The following CNTN6 variants were observed in gnomAD, a reference collection of about 807,000 sequenced individuals.
CNTN6 encodes contactin-6.
CNTN6 carries 137 observed loss-of-function variants against 122.8 expected under a neutral mutation model. The ratio of observed to expected loss-of-function variants is 1.12; its 90% confidence interval spans 0.97 to 1.29. CNTN6 has a LOEUF of 1.29. Among genes scored for constraint, CNTN6 ranks in the 50% most tolerant of loss-of-function variants. CNTN6 has a pLI of 0.00. For synonymous variants in CNTN6, 570 were observed against 426.0 expected, an observed-to-expected ratio of 1.34 and a Z score of -4.16; for missense variants, 1,634 against 1,223.4, an observed-to-expected ratio of 1.34 and a Z score of -5.01.
At chr3:1,284,041 C>A (rs1470108566) in intron 5 of CNTN6, among the ~76,000 whole-genome samples, 1 of 152,044 alleles carries the variant, frequency 6.6e-6, no homozygotes, top group African/African-American at 2.4e-5. Context: ...AACTAAGTCC[C>A]GAGCTCATAA....
intron 7 of CNTN6, among the ~76,000 whole-genome samples, chr3:1,300,492 GAA>G (rs59854918): frequency 3.4e-4 from 34 of 99,394 alleles, no homozygotes; most frequent in African/African-American, 2.5e-3. Flanking sequence ...AGGAAGGAAG[GAA>G]AAAGAAAAGA....
chr3:1,378,563 G>A (rs1158755706), intron 17 of CNTN6, among the ~76,000 whole-genome samples: 1 of 152,130 alleles, frequency 6.6e-6, no homozygotes, highest in African/African-American at 2.4e-5. Context: ...TTGAATGGAA[G>A]GTAGTGTTTT....
At chr3:1,242,747 G>A (rs2125615330) in intron 4 of CNTN6, among the ~76,000 whole-genome samples, 1 of 152,234 alleles carries the variant, frequency 6.6e-6, no homozygotes, top group African/African-American at 2.4e-5. Flanking sequence ...AATAGTCAGG[G>A]AAGCAGATAA....
intron 2 of CNTN6, among the ~76,000 whole-genome samples, chr3:1,156,945 G>A (rs115683475): frequency 0.012 from 1,868 of 151,636 alleles, 30 homozygotes; most frequent in African/African-American, 0.043. Context: ...TTGACTTCTT[G>A]GCCCAAGCAA....
chr3:1,388,297 G>A (rs1170845591), intron 20 of CNTN6, among the ~76,000 whole-genome samples: 15 of 147,698 alleles, frequency 1.0e-4, no homozygotes, highest in South Asian at 8.8e-4. Flanking sequence ...CCCCAGCAGG[G>A]GCACACTGAC....
intron 2 of CNTN6, among the ~76,000 whole-genome samples, chr3:1,168,065 G>A (rs142791889): frequency 3.3e-5 from 5 of 151,948 alleles, no homozygotes; most frequent in East Asian, 2.0e-4. Context: ...ACGCCACCAC[G>A]CCTGGGTAGT....
chr3:1,331,374 C>T (rs538189362), intron 11 of CNTN6, among the ~76,000 whole-genome samples: 49 of 151,986 alleles, frequency 3.2e-4, no homozygotes, highest in South Asian at 1.0e-3. Context: ...ACATGTAAAG[C>T]GTTACCAGCT....
rs10599744 is a variant in CNTN6 at position 1,277,346 on chromosome 3, C to CTTTTTTTTTTTTT, written c.359-1048_359-1036dup. Among the ~76,000 whole-genome samples the CTTTTTTTTTTTTT allele has an allele frequency of 1.0e-3, 82 of 80,178 alleles. 10 individuals are homozygous for CTTTTTTTTTTTTT. The highest frequency in any genetic ancestry group is 1.5e-3 in the Admixed American group (9 of 6,048). The allele number at this position is 80,178 out of a possible 152,430, so 52.6% of individuals were successfully genotyped here. A position where few individuals can be genotyped will look rare whatever the true frequency, so the allele number is the denominator to read the frequency against. On this transcript the variant is annotated intron_variant, in intron 4 of 22. Transcript: ENST00000446702. Reference sequence around the variant, plus strand: ...CTACTTCTGTCTTTTAGTAGGTTTTCTTTTTTTTTTTTTTTTTTTTTTTTT... The same window carrying CTTTTTTTTTTTTT: ...CTACTTCTGTCTTTTAGTAGGTTTTCTTTTTTTTTTTTTTTTTTTTTTTTTTTTTTTTTTTTTT...
intron 2 of CNTN6, among the ~76,000 whole-genome samples, chr3:1,204,804 A>G (rs2093936042): frequency 6.6e-6 from 1 of 152,126 alleles, no homozygotes; most frequent in Admixed American, 6.5e-5. Context: ...TGTGTAACTA[A>G]TATAACTCTT....
At chr3:1,123,850 G>A (rs1469628231) in intron 1 of CNTN6, among the ~76,000 whole-genome samples, 2 of 151,922 alleles carry the variant, frequency 1.3e-5, no homozygotes, top group Admixed American at 6.6e-5. Context: ...TTTTGAGAAA[G>A]TTTCTTTGTA....
chr3:1,398,737 C>T (rs1465455082), intron 20 of CNTN6, among the ~76,000 whole-genome samples: 2 of 152,052 alleles, frequency 1.3e-5, no homozygotes, highest in East Asian at 3.9e-4. Context: ...GAAAATCCGG[C>T]TCTTGGAAGA....
In CNTN6 at chr3:1,398,512, T is replaced by C. The variant is rs59849458; in HGVS notation, c.2705-2921T>C. Among the ~76,000 whole-genome samples the C allele has an allele frequency of 9.7e-3, 1,473 of 152,210 alleles. 19 individuals are homozygous for C. Among genetic ancestry groups the C allele is most frequent in the African/African-American group, 0.034 (1,399 of 41,540 alleles). ...TAATTGTATCTAAGAAGTGAATCAT[T>C]TGCAAACTTCAGAGTTGGATTATTA... On this transcript the variant is annotated intron_variant, in intron 20 of 22. Coordinates refer to ENST00000446702, the MANE Select transcript of CNTN6 (RefSeq NM_001289080.2).
At position 1,093,746 on chromosome 3, in the gene CNTN6, T is replaced by A. The variant is rs140871798; in HGVS notation, c.-83+626T>A. Among the ~76,000 whole-genome samples the A allele has an allele frequency of 7.0e-3, 1,066 of 152,290 alleles. 12 individuals carry two copies. The highest frequency in any genetic ancestry group is 0.024 in the African/African-American group (996 of 41,558). ...AGTTTCCTTTACCATTTACACCAGT[T>A]AAGTTGTCAGTATTAAGGTTCTTAT... On this transcript the variant is annotated intron_variant, in intron 1 of 22. Coordinates refer to ENST00000446702, the MANE Select transcript of CNTN6 (RefSeq NM_001289080.2).
intron 2 of CNTN6, among the ~76,000 whole-genome samples, chr3:1,194,511 G>A (rs907400868): frequency 1.3e-5 from 2 of 152,022 alleles, no homozygotes; most frequent in Admixed American, 6.6e-5. Flanking sequence ...TGCTAATAAT[G>A]TATTATTGTA....
chr3:1,235,846 G>A (rs759027554), intron 4 of CNTN6, among the ~76,000 whole-genome samples: 7 of 151,980 alleles, frequency 4.6e-5, no homozygotes, highest in Non-Finnish European at 8.8e-5. Context: ...TCTGGAAATA[G>A]ACTCAGTGCT....
chr3:1,170,236 C>CAAAAAAAAAAAAA (rs10525769), intron 2 of CNTN6, among the ~76,000 whole-genome samples: 1 of 107,454 alleles, frequency 9.3e-6, no homozygotes, highest in African/African-American at 3.5e-5. Context: ...GGCTCCATCT[C>CAAAAAAAAAAAAA]AAAAAAAAAA....
chr3:1,373,007 G>T, intron 14 of CNTN6, 52 bp downstream of exon 14: 1 of 1,025,970 alleles, frequency 9.7e-7, no homozygotes, highest in African/African-American at 1.6e-5. Context: ...CAGTTACAGT[G>T]TTCATATCTA....
intron 11 of CNTN6, among the ~76,000 whole-genome samples, chr3:1,349,418 A>G (rs1265129196): frequency 6.6e-6 from 1 of 151,784 alleles, no homozygotes; most frequent in Non-Finnish European, 1.5e-5. Context: ...AATGCCAGAG[A>G]AGCATATATG....
chr3:1,356,146 A>AGGAG (rs1706518231), intron 12 of CNTN6, among the ~76,000 whole-genome samples: 2 of 151,848 alleles, frequency 1.3e-5, no homozygotes, highest in Admixed American at 1.3e-4. Flanking sequence ...GAGGTATATG[A>AGGAG]AAATCACATA....
Sources: gnomAD v4.1 joint callset for allele counts (sites outside exome capture counted in the v4.1 genomes callset) on GRCh38, gnomAD v4.1.1 for gene constraint, MANE v1.5 for transcripts, NCBI Gene and HGNC (gene_info 2026-07-23, HGNC 2026-07-21) for gene names.